The following U2SURP variants were observed in gnomAD, a reference collection of about 807,000 sequenced individuals.
The protein encoded by U2SURP is U2 snRNP associated SURP domain containing, also known as U2 snRNP-associated SURP motif-containing protein.
A neutral mutation model predicts 144.9 loss-of-function variants in U2SURP; 9 were observed. The ratio of observed to expected loss-of-function variants is 0.06; its 90% confidence interval spans 0.04 to 0.11. The LOEUF (loss-of-function observed/expected upper bound fraction) is 0.11, where lower values mean the gene tolerates loss of function less well. Ranked by LOEUF, U2SURP falls within the 10% of genes least tolerant of loss-of-function variation. The pLI, the probability that U2SURP is intolerant of heterozygous loss-of-function variation, is 1.00. For synonymous variants in U2SURP, 408 were observed against 396.8 expected (o/e 1.03, Z -0.33); for missense variants, 724 against 1,226.7 (o/e 0.59, Z 6.12).
At chr3:143,023,555 C>G (rs948159474) in intron 12 of U2SURP, among the ~76,000 whole-genome samples, 1 of 152,098 alleles carries the variant, frequency 6.6e-6, no homozygotes, top group African/African-American at 2.4e-5. Context: ...AACTTAATTT[C>G]AAGTTATAAG....
rs1259726587 is a variant in U2SURP, at chr3:143,047,697, G to A, written c.2545-3242G>A. On this transcript the variant is annotated intron_variant, in intron 24 of 27. Coordinates refer to ENST00000473835, the MANE Select transcript of U2SURP (RefSeq NM_001080415.2). ...GGGCTCCTCACTTCCCAGTAGGGGC[G>A]GCCGGGCAGAGGCGCCCCTCACCTC... Among the ~76,000 whole-genome samples, 15 of 68,270 alleles carry A rather than the reference G, an allele frequency of 2.2e-4. 2 individuals are homozygous for A. The highest frequency in any genetic ancestry group is 1.1e-3 in the East Asian group (2 of 1,820). 44.8% of individuals were successfully genotyped at this position (68,270 alleles called of 152,430 possible). A position where few individuals can be genotyped will look rare whatever the true frequency, so the allele number is the denominator to read the frequency against.
chr3:143,016,668 A>G (rs563659972), intron 5 of U2SURP, among the ~76,000 whole-genome samples, 174 bp from the exon 6 acceptor site: 1 of 152,232 alleles, frequency 6.6e-6, no homozygotes, highest in African/African-American at 2.4e-5. Flanking sequence ...TAGTTTTGCT[A>G]TGAAATGATT....
At chr3:143,015,683 A>G (rs1936337606) in intron 4 of U2SURP, among the ~76,000 whole-genome samples, 4 of 152,024 alleles carry the variant, frequency 2.6e-5, no homozygotes, top group Non-Finnish European at 4.4e-5. Context: ...TCCACATGCT[A>G]TTCAATTTTA....
rs2108324315 is a variant in U2SURP, at chr3:143,057,120, G to A, written c.*670G>A. On this transcript the variant is annotated 3_prime_UTR_variant, in exon 28 of 28. Coordinates refer to ENST00000473835, the MANE Select transcript of U2SURP (RefSeq NM_001080415.2). ...GATATGGCATGGCGTTTTGTTAGTG[G>A]AATGCCTGGCTAAAACATTTTTTTC... The A allele has an allele frequency of 6.6e-6, 1 of 152,512 alleles. No individual in the cohort carries two copies. The highest frequency in any genetic ancestry group is 2.1e-4 in the South Asian group (1 of 4,822). 9.4% of individuals were successfully genotyped at this position (152,512 alleles called of 1,614,324 possible).
Position 143,032,833 on chromosome 3 carries a change from A to G in U2SURP, c.1660A>G (p.Asn554Asp), listed in dbSNP as rs1933584810. The G allele has an allele frequency of 8.1e-6, 13 of 1,613,612 alleles. No homozygotes were observed. The highest frequency in any genetic ancestry group is 1.1e-5 in the Non-Finnish European group (13 of 1,179,678). Residue 554 changes from asparagine to aspartate, a missense_variant, in exon 17 of 28, where the codon AAT (asparagine) becomes GAT (aspartate). Transcript: ENST00000473835. ...CTTGCGGGGATTAACTCCAAGGAAA[A>G]ATGATATTGGAGATGCAATGGTTTT... ...EILRGLTPRK[N>D]DIGDAMVFCL... is the part of the protein sequence containing the mutation.
intron 1 of U2SURP, among the ~76,000 whole-genome samples, chr3:143,001,917 G>C (rs1378171551): frequency 1.3e-5 from 2 of 152,236 alleles, no homozygotes; most frequent in African/African-American, 4.8e-5. Flanking sequence ...TTCGGCCCGC[G>C]CTTGGCATTG....
intron 23 of U2SURP, among the ~76,000 whole-genome samples, chr3:143,041,414 T>C (rs1408705429): frequency 6.6e-6 from 1 of 151,996 alleles, no homozygotes; most frequent in Non-Finnish European, 1.5e-5. Flanking sequence ...GTTTGGACTT[T>C]TTTCTTCCTT....
intron 1 of U2SURP, among the ~76,000 whole-genome samples, chr3:143,007,663 G>T (rs1226283495): frequency 6.6e-6 from 1 of 152,082 alleles, no homozygotes; most frequent in Non-Finnish European, 1.5e-5. Context: ...GGATGGTCTT[G>T]ATCTCCTCTG....
chr3:143,048,055 T>G lies in U2SURP; in HGVS notation c.2545-2884T>G, dbSNP rs1054698548. On this transcript the variant is annotated intron_variant, in intron 24 of 27. Coordinates refer to ENST00000473835, the MANE Select transcript of U2SURP (RefSeq NM_001080415.2). ...GGGTGGGGAACCAAGTGGAGGGTCT[T>G]CTGTCTTGTTGGAAGAGAGAGATCA... 7.9e-5 allele frequency among the ~76,000 whole-genome samples: 12 copies of G among 152,380 alleles called. No individual in the cohort carries two copies. The South Asian group carries it at 2.3e-3, about 29-fold the overall frequency.
At chr3:143,053,583 T>A in intron 25 of U2SURP, 93 bp from the exon 26 acceptor site, 3 of 935,862 alleles carry the variant, frequency 3.2e-6, no homozygotes, top group Non-Finnish European at 4.6e-6. Flanking sequence ...ATTTAAAAAA[T>A]TATTTCCTGT....
At chr3:143,037,899 A>G (rs201959193) in intron 21 of U2SURP, among the ~76,000 whole-genome samples, 1 of 152,240 alleles carries the variant, frequency 6.6e-6, no homozygotes, top group East Asian at 1.9e-4. Context: ...ACTAACCTGT[A>G]TTTTCTGAAT....
intron 3 of U2SURP, among the ~76,000 whole-genome samples, chr3:143,013,035 CT>C (rs1936194395): frequency 6.6e-6 from 1 of 151,880 alleles, no homozygotes; most frequent in Non-Finnish European, 1.5e-5. Context: ...TTAAAATATC[CT>C]GTTTTTAGTT....
At chr3:143,037,517 T>C (rs1933878867) in intron 21 of U2SURP, among the ~76,000 whole-genome samples, 182 bp downstream of exon 21, 2 of 152,170 alleles carry the variant, frequency 1.3e-5, no homozygotes, top group South Asian at 4.1e-4. Context: ...ATTTGTATGC[T>C]ATGTATATAA....
At chr3:143,032,626 A>G (rs1480309754) in intron 16 of U2SURP, among the ~76,000 whole-genome samples, 158 bp from the exon 17 acceptor site, 1 of 152,160 alleles carries the variant, frequency 6.6e-6, no homozygotes, top group African/African-American at 2.4e-5. Flanking sequence ...AAATTGTAAC[A>G]ATTTTGGGGG....
rs1388915282 is a variant in U2SURP at position 143,056,842 on chromosome 3, TATA to T, written c.*395_*397del. On this transcript the variant is annotated 3_prime_UTR_variant, in exon 28 of 28. Coordinates refer to ENST00000473835, the MANE Select transcript of U2SURP (RefSeq NM_001080415.2). ...TTCAAATAAAATCTGAACAGAAAAC[TATA>T]ATGTTGTTTTTTTGCCCCACCGGTG... The T allele has an allele frequency of 2.2e-5, 4 of 180,222 alleles. No individual in the cohort carries two copies. The highest frequency in any genetic ancestry group is 1.1e-4 in the Admixed American group (2 of 18,296). The allele number at this position is 180,222 out of a possible 1,614,324, so 11.2% of individuals were successfully genotyped here.
chr3:143,050,495 T>G (rs1323528720), intron 24 of U2SURP, among the ~76,000 whole-genome samples: 1 of 152,210 alleles, frequency 6.6e-6, no homozygotes, highest in Non-Finnish European at 1.5e-5. Flanking sequence ...TCAGACTGTG[T>G]GCAGCTTTGT....
At chr3:143,033,022 A>G in intron 17 of U2SURP, 76 bp downstream of exon 17, 1 of 1,497,272 alleles carries the variant, frequency 6.7e-7, no homozygotes. Flanking sequence ...TTTTTGCACA[A>G]AGCACTTGAC....
chr3:143,004,588 C>T (rs1310150754), intron 1 of U2SURP, among the ~76,000 whole-genome samples: 2 of 105,380 alleles, frequency 1.9e-5, no homozygotes, highest in African/African-American at 9.6e-5. Flanking sequence ...CCCCCCCCGC[C>T]TCGGCCTCCC....
At position 143,019,739 on chromosome 3, in the gene U2SURP, C is replaced by A. The variant is rs79745926; in HGVS notation, c.571-230C>A. On this transcript the variant is annotated intron_variant, in intron 6 of 27. Transcript: ENST00000473835. ...AGTTACTTCATGTTCATTAATTTCC[C>A]TGACTACTGGTTGTCATTTTAATTG... 4.6e-3 allele frequency among the ~76,000 whole-genome samples: 693 copies of A among 152,244 alleles called. 6 individuals are homozygous for A. Among genetic ancestry groups the A allele is most frequent in the African/African-American group, 0.016 (662 of 41,538 alleles).
Sources: allele counts gnomAD v4.1 joint callset (sites outside exome capture counted in the v4.1 genomes callset), GRCh38; gene constraint gnomAD v4.1.1; transcripts MANE v1.5; gene names NCBI Gene and HGNC (gene_info 2026-07-23, HGNC 2026-07-21).